Variants in SKAP1 observed in about 807,000 individuals in gnomAD.
The protein encoded by SKAP1 is src kinase associated phosphoprotein 1, also known as src kinase-associated phosphoprotein 1.
In SKAP1, 44 loss-of-function variants were observed where a neutral mutation model predicts 58.5. The ratio of observed to expected loss-of-function variants is 0.75; its 90% CI spans 0.59 to 0.97. SKAP1 has a LOEUF of 0.97. SKAP1 is among the 50% of genes least tolerant of loss of function. The pLI is 0.00. For synonymous variants in SKAP1, 127 were observed against 149.7 expected (o/e 0.85, Z 1.11); for missense variants, 390 against 435.2 (o/e 0.90, Z 0.92).
At chr17:48,182,704 T>C (rs3805372) in intron 7 of SKAP1, among the ~76,000 whole-genome samples, 1 of 152,236 alleles carries the variant, frequency 6.6e-6, no homozygotes, top group African/African-American at 2.4e-5. Flanking sequence ...GTGCATTCTT[T>C]CATTTGATTA....
Position 48,189,498 on chromosome 17 carries a change from T to C in SKAP1, c.283A>G (p.Met95Val), listed in dbSNP as rs1290777525. ...PFLSDYQDEGMEDIVKGAQEL... is the reference protein window; with the variant it reads ...PFLSDYQDEGVEDIVKGAQEL... ...TGAGCTCCTTTTACGATGTCTTCCA[T>C]TCCTAAAAGGACCAATGGCAAAATG... The change falls in exon 5 of 13, where the codon ATG (methionine) becomes GTG (valine). Residue 95 changes from methionine to valine, a missense_variant and splice_region_variant. Coordinates refer to ENST00000336915, the MANE Select transcript of SKAP1 (RefSeq NM_003726.4). 2 of 1,610,752 alleles carry C rather than the reference T, an allele frequency of 1.2e-6. No individual in the cohort carries two copies. The highest frequency in any genetic ancestry group is 1.7e-5 in the Admixed American group (1 of 59,574).
At chr17:48,171,356 T>G (rs1177891954) in intron 9 of SKAP1, among the ~76,000 whole-genome samples, 1 of 152,120 alleles carries the variant, frequency 6.6e-6, no homozygotes, top group Non-Finnish European at 1.5e-5. Context: ...TCCGCCCACC[T>G]TGGCCTCCCA....
chr17:48,418,245 G>A (rs1052998089), intron 1 of SKAP1, among the ~76,000 whole-genome samples: 12 of 152,128 alleles, frequency 7.9e-5, no homozygotes, highest in Admixed American at 2.6e-4. Context: ...AGCCGTAATC[G>A]TGCCACTGCG....
At chr17:48,413,507 T>C (rs1320377926) in intron 1 of SKAP1, among the ~76,000 whole-genome samples, 2 of 125,456 alleles carry the variant, frequency 1.6e-5, no homozygotes, top group Non-Finnish European at 3.2e-5. Context: ...AGAGCAAAAC[T>C]CCGTCTCAAA....
chr17:48,300,346 G>A (rs1349242000), intron 4 of SKAP1, among the ~76,000 whole-genome samples: 1 of 152,164 alleles, frequency 6.6e-6, no homozygotes, highest in Admixed American at 6.5e-5. Flanking sequence ...TCTGGGACAG[G>A]AGAGTGAGAG....
At position 48,177,396 on chromosome 17, in the gene SKAP1, A is replaced by C. The variant is rs2064305058; in HGVS notation, c.826+2658T>G. 2.0e-5 allele frequency among the ~76,000 whole-genome samples: 3 copies of C among 152,076 alleles called. No individual in the cohort carries two copies. The South Asian group carries it at 6.2e-4, about 32-fold the overall frequency. On this transcript the variant is annotated intron_variant, in intron 9 of 12. Coordinates refer to ENST00000336915, the MANE Select transcript of SKAP1 (RefSeq NM_003726.4). ...AGAACTTTACACATGTCAGTTCCAG[A>C]CTCCTCAGCACATCCATCTGAGACA...
intron 4 of SKAP1, among the ~76,000 whole-genome samples, chr17:48,337,983 TCCTTCCTTCCTTCCTA>T (rs1483162734): frequency 6.6e-6 from 1 of 151,934 alleles, no homozygotes. Context: ...CTTAGTATCT[TCCTTCCTTCCTTCCTA>T]CCTTCCTTCC....
chr17:48,402,412 C>T (rs1408143445), intron 1 of SKAP1, among the ~76,000 whole-genome samples: 1 of 151,814 alleles, frequency 6.6e-6, no homozygotes, highest in African/African-American at 2.4e-5. Flanking sequence ...TCACTGCAAC[C>T]TCTGCCTCCC....
chr17:48,363,912 T>C, intron 2 of SKAP1, 98 bp from the exon 3 acceptor site: 1 of 903,222 alleles, frequency 1.1e-6, no homozygotes, highest in South Asian at 2.1e-5. Context: ...CCAAAAAGCT[T>C]GCTAAAGTCT....
the SKAP1 span, among the ~76,000 whole-genome samples, chr17:48,436,479 A>C: frequency 9.2e-5 from 14 of 152,154 alleles, no homozygotes; most frequent in African/African-American, 3.4e-4. Flanking sequence ...TGGCACTGTC[A>C]GTTCATGTTG....
intron 2 of SKAP1, among the ~76,000 whole-genome samples, chr17:48,387,636 T>C (rs574053728): frequency 6.6e-6 from 1 of 152,308 alleles, no homozygotes; most frequent in East Asian, 1.9e-4. Flanking sequence ...GCCAAAATGA[T>C]TTTGTGCCAC....
chr17:48,201,986 A>G (rs998706804), intron 4 of SKAP1, among the ~76,000 whole-genome samples: 32 of 152,186 alleles, frequency 2.1e-4, no homozygotes, highest in Non-Finnish European at 4.1e-4. Context: ...TTTTACATGT[A>G]CATTGGTTTG....
chr17:48,158,578 A>AAAAAAAG (rs1555594578), intron 11 of SKAP1, among the ~76,000 whole-genome samples: 16 of 149,508 alleles, frequency 1.1e-4, no homozygotes, highest in East Asian at 5.9e-4. Flanking sequence ...AAAAAAAAAA[A>AAAAAAAG]AAAAAAGAAA....
chr17:48,325,741 A>C (rs2066428955), intron 4 of SKAP1, among the ~76,000 whole-genome samples: 1 of 152,226 alleles, frequency 6.6e-6, no homozygotes, highest in Non-Finnish European at 1.5e-5. Flanking sequence ...GCTGTACAAG[A>C]ATCCATAGGT....
intron 10 of SKAP1, among the ~76,000 whole-genome samples, chr17:48,167,526 A>G (rs774618118): frequency 6.6e-6 from 1 of 152,166 alleles, no homozygotes; most frequent in Non-Finnish European, 1.5e-5. Flanking sequence ...GGCGCGCACT[A>G]AAGTGAGAAG....
At chr17:48,314,601 A>C (rs1301468336) in intron 4 of SKAP1, among the ~76,000 whole-genome samples, 2 of 152,210 alleles carry the variant, frequency 1.3e-5, no homozygotes, top group African/African-American at 2.4e-5. Context: ...AATCTCTTAA[A>C]AATTAACATT....
intron 4 of SKAP1, among the ~76,000 whole-genome samples, chr17:48,257,628 CTTTTTTTTTTT>C (rs56225931): frequency 1.8e-5 from 2 of 111,150 alleles, no homozygotes; most frequent in African/African-American, 6.5e-5. Context: ...TTCTTTCTTT[CTTTTTTTTTTT>C]TTTTTTTTTG....
the SKAP1 span, among the ~76,000 whole-genome samples, chr17:48,443,975 A>C: frequency 6.6e-6 from 1 of 152,136 alleles, no homozygotes; most frequent in Non-Finnish European, 1.5e-5. Context: ...ATTATAGAAA[A>C]GTAATTAGTA....
intron 4 of SKAP1, among the ~76,000 whole-genome samples, chr17:48,263,880 AAC>A (rs1257661988): frequency 1.3e-5 from 2 of 152,156 alleles, no homozygotes; most frequent in Non-Finnish European, 2.9e-5. Flanking sequence ...CTTTTCCTGA[AAC>A]ACAGACACCA....
Sources: allele counts gnomAD v4.1 joint callset (sites outside exome capture counted in the v4.1 genomes callset), GRCh38; gene constraint gnomAD v4.1.1; transcripts MANE v1.5; gene names NCBI Gene and HGNC (gene_info 2026-07-23, HGNC 2026-07-21).